Variants in TET3 observed in about 807,000 individuals in gnomAD.
TET3 encodes tet methylcytosine dioxygenase 3.
Under a neutral mutation model 141.4 loss-of-function variants are expected in TET3, and 19 were observed. The ratio of observed to expected loss-of-function variants is 0.13; its 90% CI spans 0.09 to 0.20. TET3 has a LOEUF of 0.20. Ranked by LOEUF, TET3 falls within the 10% of genes least tolerant of loss-of-function variation. The pLI is 1.00. For synonymous variants in TET3, 1,043 were observed against 980.9 expected (o/e 1.06, Z -1.18); for missense variants, 1,874 against 2,356.9 (o/e 0.80, Z 4.24).
At chr2:74,098,977 G>C (rs1691006759) in intron 10 of TET3, among the ~76,000 whole-genome samples, 1 of 152,238 alleles carries the variant, frequency 6.6e-6, no homozygotes, top group Non-Finnish European at 1.5e-5. Context: ...CCAGAGGGCA[G>C]AGCAAGCCTC....
At chr2:74,056,456 G>C (rs1437123893) in intron 4 of TET3, among the ~76,000 whole-genome samples, 1 of 152,130 alleles carries the variant, frequency 6.6e-6, no homozygotes, top group African/African-American at 2.4e-5. Context: ...ACTTAAAGCT[G>C]TATAACGAGC....
intron 5 of TET3, among the ~76,000 whole-genome samples, chr2:74,076,441 GTTTTTTTTTTTTTTTTT>G (rs70965785): frequency 1.9e-4 from 11 of 56,584 alleles, no homozygotes; most frequent in South Asian, 1.0e-3. Context: ...ATTCCTCTGG[GTTTTTTTTTTTTTTTTT>G]TTTTTTTTTT....
At chr2:74,113,854 A>G in the TET3 span, among the ~76,000 whole-genome samples, 1 of 152,094 alleles carries the variant, frequency 6.6e-6, no homozygotes, top group African/African-American at 2.4e-5. Context: ...GGAAAAATTC[A>G]TATTATTAAC....
At chr2:74,029,181 C>A (rs981988094) in intron 3 of TET3, among the ~76,000 whole-genome samples, 1 of 152,168 alleles carries the variant, frequency 6.6e-6, no homozygotes, top group African/African-American at 2.4e-5. Flanking sequence ...AGATGAAGCC[C>A]TTGTACTAAT....
intron 5 of TET3, among the ~76,000 whole-genome samples, chr2:74,076,569 C>G (rs999355048): frequency 6.7e-6 from 1 of 149,042 alleles, no homozygotes; most frequent in Non-Finnish European, 1.5e-5. Context: ...CAAAAATACA[C>G]ACGAAACCCC....
chr2:74,052,572 A>G (rs1426822718), intron 4 of TET3, among the ~76,000 whole-genome samples: 1 of 151,640 alleles, frequency 6.6e-6, no homozygotes, highest in Non-Finnish European at 1.5e-5. Flanking sequence ...AAAAAAAAAA[A>G]AAAATGGTGG....
Position 73,986,212 on chromosome 2 carries a change from G to T in TET3, c.-192G>T, listed in dbSNP as rs137885121. Reference sequence around the variant, plus strand: ...GGGAGAGTGGCCCCCTACGGAGTCCGATCAGACTGCTGCAGAGGAGGTGAA... The same window carrying T: ...GGGAGAGTGGCCCCCTACGGAGTCCTATCAGACTGCTGCAGAGGAGGTGAA... On this transcript the variant is annotated 5_prime_UTR_variant, in exon 2 of 12. Transcript: ENST00000409262. The T allele has an allele frequency of 1.6e-5, 7 of 433,678 alleles. No individual in the cohort carries two copies. The East Asian group carries it at 1.8e-4, about 11-fold the overall frequency. The allele number at this position is 433,678 out of a possible 1,614,324, so 26.9% of individuals were successfully genotyped here.
chr2:74,085,057 A>T (rs544650638), intron 6 of TET3, among the ~76,000 whole-genome samples: 2 of 152,142 alleles, frequency 1.3e-5, no homozygotes, highest in African/African-American at 4.8e-5. Context: ...GGTGGTTGTG[A>T]TGGTTGCACA....
chr2:73,987,345 C>T (rs1684087923), intron 2 of TET3, among the ~76,000 whole-genome samples: 1 of 152,176 alleles, frequency 6.6e-6, no homozygotes, highest in Non-Finnish European at 1.5e-5. Context: ...GAATGGATGA[C>T]ATGCTTTTGA....
At chr2:74,124,774 GAC>G in the TET3 span, among the ~76,000 whole-genome samples, 3 of 151,948 alleles carry the variant, frequency 2.0e-5, no homozygotes, top group South Asian at 6.2e-4. Context: ...AGTACCCAGG[GAC>G]ACAAACACTG....
chr2:74,034,714 A>AT (rs1310143046), intron 3 of TET3, among the ~76,000 whole-genome samples: 9 of 151,782 alleles, frequency 5.9e-5, no homozygotes, highest in Admixed American at 1.3e-4. Flanking sequence ...CCATGATGTG[A>AT]TTTTTATGAG....
At chr2:74,074,282 A>G (rs1342215430) in intron 5 of TET3, among the ~76,000 whole-genome samples, 4 of 151,804 alleles carry the variant, frequency 2.6e-5, no homozygotes, top group African/African-American at 9.7e-5. Flanking sequence ...TAGAAAACAG[A>G]CTCTGTCTAC....
chr2:74,074,789 G>GTAGA (rs1213187377), intron 5 of TET3, among the ~76,000 whole-genome samples: 4 of 152,244 alleles, frequency 2.6e-5, no homozygotes, highest in African/African-American at 9.6e-5. Flanking sequence ...TATGGAAAAG[G>GTAGA]TAGATAGTCA....
At chr2:74,124,016 C>T in the TET3 span, among the ~76,000 whole-genome samples, 46 of 147,798 alleles carry the variant, frequency 3.1e-4, 1 homozygote, top group Non-Finnish European at 4.5e-4. Context: ...GGAGCCCCTC[C>T]GCCCGGCAGC....
At chr2:74,078,620 T>G (rs1182797661) in intron 5 of TET3, among the ~76,000 whole-genome samples, 2 of 152,234 alleles carry the variant, frequency 1.3e-5, no homozygotes. Context: ...TGAATTATCT[T>G]GTTCCTAAAG....
chr2:74,077,261 T>C (rs1355690633), intron 5 of TET3, among the ~76,000 whole-genome samples: 7 of 152,214 alleles, frequency 4.6e-5, no homozygotes, highest in Admixed American at 1.3e-4. Context: ...CTAGAGGGTT[T>C]GTTAAAGCAC....
intron 5 of TET3, among the ~76,000 whole-genome samples, chr2:74,074,609 G>C (rs887801132): frequency 1.3e-5 from 2 of 152,188 alleles, no homozygotes; most frequent in Non-Finnish European, 2.9e-5. Flanking sequence ...CCCAGTCCTG[G>C]CCCTGCCACT....
intron 1 of TET3, among the ~76,000 whole-genome samples, chr2:73,985,596 C>T (rs1027443678): frequency 9.9e-5 from 15 of 151,206 alleles, no homozygotes; most frequent in African/African-American, 3.6e-4. Context: ...CGGGGCAGTC[C>T]CGCCGAGCGA....
chr2:74,088,274 G>T (rs74796854), intron 7 of TET3, among the ~76,000 whole-genome samples: 1 of 152,150 alleles, frequency 6.6e-6, no homozygotes, highest in Non-Finnish European at 1.5e-5. Context: ...ACCCCAGGTC[G>T]ATAACACTGG....
Sources: allele counts gnomAD v4.1 joint callset (sites outside exome capture counted in the v4.1 genomes callset), GRCh38; gene constraint gnomAD v4.1.1; transcripts MANE v1.5; gene names NCBI Gene and HGNC (gene_info 2026-07-23, HGNC 2026-07-21).